Variants in CACNA1A observed in about 807,000 individuals in gnomAD.
The protein encoded by CACNA1A is calcium voltage-gated channel subunit alpha1 A, also known as voltage-dependent P/Q-type calcium channel subunit alpha-1A.
Under a neutral mutation model 262.4 loss-of-function variants are expected in CACNA1A, and 57 were observed. The observed-to-expected ratio is 0.22, with a 90% CI of 0.18 to 0.27. The LOEUF is 0.27. Among genes scored for constraint, CACNA1A ranks in the 10% least tolerant of loss-of-function variants. The pLI is 1.00. For synonymous variants in CACNA1A, 1,431 were observed against 1,419.3 expected (o/e 1.01, Z -0.18); for missense variants, 2,526 against 3,562.8 (o/e 0.71, Z 7.41).
chr19:13,357,947 C>T (rs959762466), intron 6 of CACNA1A, among the ~76,000 whole-genome samples: 5 of 151,904 alleles, frequency 3.3e-5, no homozygotes, highest in African/African-American at 1.2e-4. Flanking sequence ...TTTAAGGCTG[C>T]AGTGAGCTAT....
intron 22 of CACNA1A, among the ~76,000 whole-genome samples, chr19:13,279,581 G>T (rs964931585): frequency 6.6e-6 from 1 of 152,060 alleles, no homozygotes; most frequent in Non-Finnish European, 1.5e-5. Flanking sequence ...TGCCTCCCGG[G>T]TTCAAGCAAT....
intron 1 of CACNA1A, among the ~76,000 whole-genome samples, chr19:13,473,245 G>A (rs1978290944): frequency 7.4e-6 from 1 of 134,846 alleles, no homozygotes; most frequent in Admixed American, 7.4e-5. Flanking sequence ...ACAGAGTGAG[G>A]CCCTGACAAA....
chr19:13,436,266 G>T (rs1568642701), intron 3 of CACNA1A, among the ~76,000 whole-genome samples: 1 of 152,150 alleles, frequency 6.6e-6, no homozygotes, highest in South Asian at 2.1e-4. Context: ...AGCTGCTGAG[G>T]CGAGTGTGAT....
In CACNA1A at chr19:13,298,875, C is replaced by T; in HGVS notation, c.2758G>A (p.Ala920Thr). 6.3e-7 allele frequency: 1 copy of T among 1,592,960 alleles called. No homozygotes were observed. The highest frequency in any genetic ancestry group is 8.5e-7 in the Non-Finnish European group (1 of 1,177,386). ...GGGTCCCCGGCCTTGCCTCGCTCGG[C>T]CTCGCCCTCCCAGAACCCGGGTTGC... is the stretch of plus-strand genomic sequence containing the variant. Reference protein sequence around the residue: ...LEQPGFWEGEAERGKAGDPHR... With the variant: ...LEQPGFWEGETERGKAGDPHR... Residue 920 changes from alanine (A) to threonine (T), a missense_variant, in exon 19 of 47, where the codon GCC becomes ACC. Physicochemically the swap from Ala to Thr is moderately conservative, Grantham distance 58. This residue lies in a region of CACNA1A where 765 missense variants were observed against 748.6 expected (regional missense o/e 1.02). Transcript: ENST00000360228.
rs770618033 is a variant in CACNA1A at position 13,298,989 on chromosome 19, G to T, written c.2644C>A (p.Pro882Thr). 1 of 1,579,372 alleles carries T rather than the reference G, an allele frequency of 6.3e-7. No individual in the cohort carries two copies. The highest frequency in any genetic ancestry group is 8.5e-7 in the Non-Finnish European group (1 of 1,170,340). The change falls in exon 19 of 47, where the codon CCC becomes ACC. Residue 882 changes from proline to threonine, a missense_variant. Pro to Thr is a conservative substitution (Grantham distance 38). This residue lies in a region of CACNA1A where 765 missense variants were observed against 748.6 expected (regional missense o/e 1.02). Coordinates refer to ENST00000360228, the MANE Select transcript of CACNA1A (RefSeq NM_001127222.2). The stretch of plus-strand genomic sequence containing the variant: ...TCGGCCTCCTGGCTTCCCGCCCAGG[G>T]CCTCCGTGCGTCCAGGCCCGCCGAG... Reference protein sequence around the residue: ...SGSAGLDARRPWAGSQEAELS... With the variant: ...SGSAGLDARRTWAGSQEAELS...
rs535332755 is a variant in CACNA1A at position 13,303,271 on chromosome 19, G to A, written c.2172+275C>T. Among the ~76,000 whole-genome samples, 8 of 152,236 alleles carry A rather than the reference G, an allele frequency of 5.3e-5. No homozygotes were observed. The South Asian group carries it at 8.3e-4, about 16-fold the overall frequency. Reference sequence around the variant, plus strand: ...GAAACCCTGCTTACTCCCTGTAAACGGCCTTTTGGTTGAGTTTGCCATCCG... The same window carrying A: ...GAAACCCTGCTTACTCCCTGTAAACAGCCTTTTGGTTGAGTTTGCCATCCG... On this transcript the variant is annotated intron_variant, in intron 17 of 46. Transcript: ENST00000360228.
Position 13,273,436 on chromosome 19 carries a change from T to C in CACNA1A, c.3989+2414A>G, listed in dbSNP as rs371876796. 4.6e-5 allele frequency: 7 copies of C among 152,320 alleles called. No individual in the cohort carries two copies. The East Asian group carries it at 1.2e-3, about 25-fold the overall frequency. 9.4% of individuals were successfully genotyped at this position (152,320 alleles called of 1,614,324 possible). ...GTTGATTTACCTCCATTTTTACTAG[T>C]TGCCAGCATTCTATCAGATTTCTGT... On this transcript the variant is annotated intron_variant, in intron 24 of 46. Transcript: ENST00000360228.
chr19:13,417,582 C>G lies in CACNA1A; in HGVS notation c.539+35294G>C, dbSNP rs73922390. On this transcript the variant is annotated intron_variant, in intron 3 of 46. Coordinates refer to ENST00000360228, the MANE Select transcript of CACNA1A (RefSeq NM_001127222.2). ...CTGGGCTTCTGCAATAATTTCAGCACAAGGAGTTAAAAGAGAACCATAGTT... is the reference window on the plus strand; with the variant it reads ...CTGGGCTTCTGCAATAATTTCAGCAGAAGGAGTTAAAAGAGAACCATAGTT... Among the ~76,000 whole-genome samples the G allele has an allele frequency of 4.2e-3, 638 of 152,198 alleles. 6 individuals are homozygous for G. The highest frequency in any genetic ancestry group is 0.014 in the African/African-American group (589 of 41,526).
intron 38 of CACNA1A, among the ~76,000 whole-genome samples, chr19:13,222,314 T>C (rs1450899889): frequency 6.6e-6 from 1 of 151,908 alleles, no homozygotes; most frequent in Non-Finnish European, 1.5e-5. Context: ...CGTGCTCAGA[T>C]TACAGGCGTG....
intron 22 of CACNA1A, among the ~76,000 whole-genome samples, chr19:13,280,410 C>T (rs1352716609): frequency 6.7e-6 from 1 of 149,500 alleles, no homozygotes; most frequent in African/African-American, 2.5e-5. Context: ...CCAAGCTGGT[C>T]TTGAACTCCT....
Position 13,207,238 on chromosome 19 carries a change from C to G in CACNA1A, c.*75G>C. On this transcript the variant is annotated 3_prime_UTR_variant, in exon 47 of 47. Transcript: ENST00000360228. The surrounding 1 kb of genome is among the most constrained non-coding windows in gnomAD (Gnocchi z 5.7). Reference sequence around the variant, plus strand: ...GGCCCTCTGTGCTGGGCCCCCGCGGCCTCTGCGCGGCTCCTCGGGTGGGGT... The same window carrying G: ...GGCCCTCTGTGCTGGGCCCCCGCGGGCTCTGCGCGGCTCCTCGGGTGGGGT... 1 of 1,411,154 alleles carries G rather than the reference C, an allele frequency of 7.1e-7. No individual in the cohort carries two copies. The highest frequency in any genetic ancestry group is 2.9e-5 in the East Asian group (1 of 34,404). 87.4% of individuals were successfully genotyped at this position (1,411,154 alleles called of 1,614,324 possible). A position where few individuals can be genotyped will look rare whatever the true frequency, so the allele number is the denominator to read the frequency against.
At chr19:13,493,719 G>A (rs1981172387) in intron 1 of CACNA1A, among the ~76,000 whole-genome samples, 1 of 152,200 alleles carries the variant, frequency 6.6e-6, no homozygotes, top group African/African-American at 2.4e-5. Flanking sequence ...AAAACTATCA[G>A]AACCTTGGAC....
intron 5 of CACNA1A, 153 bp downstream of exon 5, chr19:13,365,164 G>C (rs1386272173): frequency 1.0e-5 from 6 of 593,488 alleles, no homozygotes; most frequent in Non-Finnish European, 1.5e-5. Context: ...AGATCTCAGA[G>C]GCTATTTCAC....
At position 13,235,015 on chromosome 19, in the gene CACNA1A, C is replaced by T. The variant is rs368257155; in HGVS notation, c.5155G>A (p.Asp1719Asn). The stretch of plus-strand genomic sequence containing the variant: ...TCATCACTGTCCTCGTCCTCCACGT[C>T]GATGCCAATGTTACCAAACACCTGT... ...GMQVFGNIGI[D>N]VEDEDSDEDE... Residue 1719 changes from aspartate (D) to asparagine (N), a missense_variant, in exon 34 of 47, where the codon GAC becomes AAC. Asp to Asn is a conservative substitution (Grantham distance 23). Around this residue, in one of 17 missense-constraint regions of CACNA1A, gnomAD observed 66 missense variants for 195.8 expected, o/e 0.34. Coordinates refer to ENST00000360228, the MANE Select transcript of CACNA1A (RefSeq NM_001127222.2). 51 of 1,613,392 alleles carry T rather than the reference C, an allele frequency of 3.2e-5. No homozygotes were observed. The highest frequency in any genetic ancestry group is 1.2e-4 in the African/African-American group (9 of 74,920).
chr19:13,312,801 A>C lies in CACNA1A; in HGVS notation c.1556-20T>G. ...CATAGTCTAGAAGGGAGAAGGAGGAAACAGAGAGGAGGTTAGGCTTGCTGA... is the reference window on the plus strand; with the variant it reads ...CATAGTCTAGAAGGGAGAAGGAGGACACAGAGAGGAGGTTAGGCTTGCTGA... On this transcript the variant is annotated intron_variant, in intron 11 of 46. Transcript: ENST00000360228. The C allele has an allele frequency of 7.6e-7, 1 of 1,312,478 alleles. No individual in the cohort carries two copies. Among genetic ancestry groups the C allele is most frequent in the Non-Finnish European group, 1.1e-6 (1 of 943,944 alleles). 81.3% of individuals were successfully genotyped at this position (1,312,478 alleles called of 1,614,324 possible).
At chr19:13,326,794 A>AT (rs2058371232) in intron 10 of CACNA1A, among the ~76,000 whole-genome samples, 1 of 151,994 alleles carries the variant, frequency 6.6e-6, no homozygotes, top group South Asian at 2.1e-4. Flanking sequence ...GTCTCAAAAA[A>AT]AAAAAAAAAA....
intron 1 of CACNA1A, among the ~76,000 whole-genome samples, chr19:13,498,920 C>G (rs1982009503): frequency 1.3e-5 from 2 of 152,150 alleles, no homozygotes; most frequent in Admixed American, 1.3e-4. Context: ...TGAAGGGTCA[C>G]CCTACTCAGA....
rs183712771 is a variant in CACNA1A at position 13,257,419 on chromosome 19, G to T, written c.4521C>A (p.Ala1507=). 3.2e-5 allele frequency: 52 copies of T among 1,613,938 alleles called. No homozygotes were observed. The East Asian group carries it at 1.1e-3, about 33-fold the overall frequency. ...FPFFFVNIFV[A]LIIITFQEQG... ...GCTCCTGGAAGGTGATGATGATCAA[G>T]GCCACAAAGATATTGACAAAGAAGA... The change falls in exon 28 of 47, where the codon GCC becomes GCA. Residue 1507 remains alanine (A), a synonymous_variant. Coordinates refer to ENST00000360228, the MANE Select transcript of CACNA1A (RefSeq NM_001127222.2).
chr19:13,359,753 G>A lies in CACNA1A; in HGVS notation c.831C>T (p.Pro277=), dbSNP rs568635317. 74 of 1,557,944 alleles carry A rather than the reference G, an allele frequency of 4.7e-5. No individual in the cohort carries two copies. The highest frequency in any genetic ancestry group is 3.4e-4 in the East Asian group (14 of 41,620). ...ESPAPCGTEE[P]ARTCPNGTKC... ...TGGTCCCATTGGGGCAGGTGCGGGC[G>A]GGCTCTTCTGTCCCACATGGAGCCG... The change falls in exon 6 of 47, where the codon CCC becomes CCT. Residue 277 remains proline, a synonymous_variant. Transcript: ENST00000360228.
Sources: allele counts gnomAD v4.1 joint callset (sites outside exome capture counted in the v4.1 genomes callset), GRCh38; gene constraint gnomAD v4.1.1; regional missense constraint gnomAD v4.1.1; non-coding constraint Gnocchi (gnomAD v3.1); transcripts MANE v1.5; gene names NCBI Gene and HGNC (gene_info 2026-07-23, HGNC 2026-07-21).